SPAG16: variants seen among roughly 807,000 people sequenced by gnomAD.
The protein encoded by SPAG16 is sperm associated antigen 16.
Under a neutral mutation model 80.4 loss-of-function variants are expected in SPAG16, and 86 were observed. The observed-to-expected ratio is 1.07, with a 90% confidence interval of 0.90 to 1.28. SPAG16 has a LOEUF of 1.28. Among genes scored for constraint, SPAG16 ranks in the 50% most tolerant of loss-of-function variants. SPAG16 has a pLI of 0.00. For missense variants in SPAG16, 870 were observed against 765.3 expected, an observed-to-expected ratio of 1.14 and a Z score of -1.61; for synonymous variants, 294 against 265.9, an observed-to-expected ratio of 1.11 and a Z score of -1.03.
intron 9 of SPAG16, among the ~76,000 whole-genome samples, chr2:213,448,416 GT>G (rs1386156823): frequency 1.3e-5 from 2 of 152,222 alleles, no homozygotes; most frequent in Non-Finnish European, 2.9e-5. Context: ...GTGGAAGAAA[GT>G]CTTTCTGGAC....
At chr2:213,912,776 C>A (rs1479130307) in intron 11 of SPAG16, among the ~76,000 whole-genome samples, 1 of 152,098 alleles carries the variant, frequency 6.6e-6, no homozygotes, top group Non-Finnish European at 1.5e-5. Context: ...AGCAATTCTA[C>A]CCCGACTACC....
chr2:213,382,946 G>A (rs1004163631), intron 9 of SPAG16, among the ~76,000 whole-genome samples: 5 of 152,132 alleles, frequency 3.3e-5, no homozygotes, highest in African/African-American at 1.2e-4. Flanking sequence ...ATCACAGATG[G>A]GAGGAGAGAA....
At chr2:214,388,322 G>T (rs1700875632) in intron 15 of SPAG16, among the ~76,000 whole-genome samples, 3 of 152,038 alleles carry the variant, frequency 2.0e-5, no homozygotes. Context: ...TCCCTCCTAA[G>T]GCCTTGGAAG....
At chr2:213,905,695 A>T (rs2077402825) in intron 11 of SPAG16, among the ~76,000 whole-genome samples, 1 of 152,192 alleles carries the variant, frequency 6.6e-6, no homozygotes, top group South Asian at 2.1e-4. Flanking sequence ...GTGCTATATA[A>T]TTCCTTAGAT....
At chr2:213,863,791 T>A (rs2075579705) in intron 11 of SPAG16, among the ~76,000 whole-genome samples, 1 of 152,168 alleles carries the variant, frequency 6.6e-6, no homozygotes, top group Non-Finnish European at 1.5e-5. Context: ...ATTTTCTCAT[T>A]AGTGTTTGAC....
intron 3 of SPAG16, among the ~76,000 whole-genome samples, chr2:213,309,364 T>C (rs554260708): frequency 6.6e-6 from 1 of 152,234 alleles, no homozygotes; most frequent in African/African-American, 2.4e-5. Context: ...CTGACTTCCA[T>C]GTGGAATACT....
At chr2:213,748,809 T>TC (rs1001828081) in intron 10 of SPAG16, among the ~76,000 whole-genome samples, 1 of 152,196 alleles carries the variant, frequency 6.6e-6, no homozygotes, top group African/African-American at 2.4e-5. Flanking sequence ...TTAGTTTTTT[T>TC]CTGTGTGAAA....
At chr2:213,379,014 G>C (rs901675190) in intron 9 of SPAG16, among the ~76,000 whole-genome samples, 2 of 152,222 alleles carry the variant, frequency 1.3e-5, no homozygotes, top group African/African-American at 4.8e-5. Flanking sequence ...TTCTTAGCCT[G>C]TTGACTTAAA....
intron 10 of SPAG16, among the ~76,000 whole-genome samples, chr2:213,788,530 A>T (rs558971718): frequency 6.6e-6 from 1 of 152,050 alleles, no homozygotes; most frequent in South Asian, 2.1e-4. Context: ...AATTAGAAAC[A>T]CTAAGAAAAT....
At chr2:213,998,240 G>T (rs915527938) in intron 12 of SPAG16, among the ~76,000 whole-genome samples, 24 of 152,140 alleles carry the variant, frequency 1.6e-4, no homozygotes, top group African/African-American at 5.8e-4. Context: ...TTGGCTTTGT[G>T]TCCCCACCCA....
At chr2:213,778,238 C>A (rs1294319726) in intron 10 of SPAG16, among the ~76,000 whole-genome samples, 1 of 151,850 alleles carries the variant, frequency 6.6e-6, no homozygotes, top group East Asian at 1.9e-4. Flanking sequence ...ATTAGTCTAT[C>A]TGAATTCTTA....
chr2:213,657,838 A>C (rs1252588052), intron 10 of SPAG16, among the ~76,000 whole-genome samples: 2 of 152,198 alleles, frequency 1.3e-5, no homozygotes, highest in Non-Finnish European at 2.9e-5. Context: ...TTTTAGAAGA[A>C]ACAGAAGAAT....
chr2:213,671,286 C>T (rs1328331172), intron 10 of SPAG16, among the ~76,000 whole-genome samples: 1 of 152,164 alleles, frequency 6.6e-6, no homozygotes, highest in Non-Finnish European at 1.5e-5. Flanking sequence ...AGGAGCTTGA[C>T]TATGGCAGCC....
chr2:213,900,472 C>T (rs1293356212), intron 11 of SPAG16, among the ~76,000 whole-genome samples: 2 of 152,092 alleles, frequency 1.3e-5, no homozygotes, highest in South Asian at 4.1e-4. Flanking sequence ...TAATTTCTGT[C>T]CTCTCCCTGC....
chr2:213,317,383 C>T, intron 5 of SPAG16, 27 bp downstream of exon 5: 4 of 1,590,320 alleles, frequency 2.5e-6, no homozygotes, highest in Non-Finnish European at 3.4e-6. Context: ...ATGACATTTT[C>T]TTCTTTTTCT....
intron 14 of SPAG16, among the ~76,000 whole-genome samples, chr2:214,148,749 TATATC>T (rs1162098803): frequency 2.1e-4 from 32 of 152,242 alleles, no homozygotes; most frequent in Admixed American, 1.1e-3. Context: ...ATGTGTCACA[TATATC>T]ATATGCATTA....
intron 11 of SPAG16, 113 bp downstream of exon 11, chr2:213,862,741 C>G: frequency 1.7e-6 from 2 of 1,168,098 alleles, no homozygotes; most frequent in Non-Finnish European, 2.4e-6. Flanking sequence ...AACAACACAC[C>G]CTGCACTGAA....
intron 15 of SPAG16, among the ~76,000 whole-genome samples, chr2:214,368,531 A>C (rs574273212): frequency 6.6e-6 from 1 of 152,224 alleles, no homozygotes; most frequent in African/African-American, 2.4e-5. Flanking sequence ...TCAGGTTAGC[A>C]TAAAGTAGTT....
chr2:213,789,104 C>T (rs2125602671), intron 10 of SPAG16, among the ~76,000 whole-genome samples: 1 of 151,882 alleles, frequency 6.6e-6, no homozygotes, highest in African/African-American at 2.4e-5. Flanking sequence ...TTTTAATCAC[C>T]ATAATTGTAC....
Sources: allele counts gnomAD v4.1 joint callset (sites outside exome capture counted in the v4.1 genomes callset), GRCh38; gene constraint gnomAD v4.1.1; transcripts MANE v1.5; gene names NCBI Gene and HGNC (gene_info 2026-07-23, HGNC 2026-07-21).